The following KAZN variants were observed in gnomAD, a reference collection of about 807,000 sequenced individuals.
The protein encoded by KAZN is kazrin.
A neutral mutation model predicts 87.4 loss-of-function variants in KAZN; 40 were observed. That is an observed-to-expected ratio of 0.46 (90% CI 0.36 to 0.60). The LOEUF (loss-of-function observed/expected upper bound fraction) is 0.60. KAZN is among the 20% of genes least tolerant of loss of function. KAZN has a pLI of 0.00. For synonymous variants in KAZN, 466 were observed against 458.3 expected (o/e 1.02, Z -0.22); for missense variants, 898 against 1,073.9 (o/e 0.84, Z 2.29).
intron 1 of KAZN, among the ~76,000 whole-genome samples, chr1:13,952,085 A>G (rs1334604729): frequency 1.3e-5 from 2 of 152,074 alleles, no homozygotes; most frequent in East Asian, 3.9e-4. Flanking sequence ...TTGTTGCATA[A>G]TCTCCTTTCT....
At chr1:14,592,024 C>A (rs563234261) in intron 2 of KAZN, among the ~76,000 whole-genome samples, 2 of 152,272 alleles carry the variant, frequency 1.3e-5, no homozygotes, top group African/African-American at 4.8e-5. Flanking sequence ...TTCTCTACGG[C>A]TCTGTTCCCT....
rs571803078 is a variant in KAZN, at chr1:14,417,245, A to T, written c.250-181738A>T. Among the ~76,000 whole-genome samples, 153 of 152,284 alleles carry T rather than the reference A, an allele frequency of 1.0e-3. 1 individual carries two copies. Among genetic ancestry groups the T allele is most frequent in the African/African-American group, 3.6e-3 (148 of 41,550 alleles). On this transcript the variant is annotated intron_variant, in intron 2 of 16. Transcript: ENST00000636203. ...TCCTAGGTACTTTCTGCATGTTATTATTCCATTGATGAAATCACACTTCAC... is the reference window on the plus strand; with the variant it reads ...TCCTAGGTACTTTCTGCATGTTATTTTTCCATTGATGAAATCACACTTCAC...
chr1:14,461,999 C>T (rs1667878907), intron 2 of KAZN, among the ~76,000 whole-genome samples: 1 of 151,708 alleles, frequency 6.6e-6, no homozygotes, highest in Non-Finnish European at 1.5e-5. Flanking sequence ...AATTATAGCT[C>T]CCACAATTTC....
At chr1:14,713,153 T>C (rs1642577932) in intron 1 of KAZN, among the ~76,000 whole-genome samples, 1 of 152,184 alleles carries the variant, frequency 6.6e-6, no homozygotes, top group Non-Finnish European at 1.5e-5. Context: ...GGCTCTGCTC[T>C]GTGTGTCTCT....
chr1:14,631,206 C>G (rs1182610106), intron 1 of KAZN, among the ~76,000 whole-genome samples: 1 of 152,162 alleles, frequency 6.6e-6, no homozygotes, highest in Non-Finnish European at 1.5e-5. Flanking sequence ...GTGACCCCCT[C>G]TGCGCTGGGA....
At chr1:15,050,210 G>T (rs1047200462) in intron 4 of KAZN, among the ~76,000 whole-genome samples, 1 of 151,084 alleles carries the variant, frequency 6.6e-6, no homozygotes, top group Non-Finnish European at 1.5e-5. Flanking sequence ...GAATAGAATA[G>T]AATAGAATAG....
At chr1:13,902,269 G>A (rs1049725547) in intron 1 of KAZN, among the ~76,000 whole-genome samples, 4 of 152,208 alleles carry the variant, frequency 2.6e-5, no homozygotes, top group South Asian at 2.1e-4. Context: ...TTAAATGACC[G>A]GAGGGTTTCC....
chr1:14,995,996 G>A (rs1667824714), intron 2 of KAZN, among the ~76,000 whole-genome samples: 1 of 152,104 alleles, frequency 6.6e-6, no homozygotes, highest in Non-Finnish European at 1.5e-5. Context: ...CAGTCAGCTG[G>A]ACCCAAGGGC....
chr1:14,908,687 A>G (rs1656886678), intron 1 of KAZN, among the ~76,000 whole-genome samples: 2 of 152,058 alleles, frequency 1.3e-5, no homozygotes, highest in South Asian at 4.1e-4. Flanking sequence ...ACTCCTCTCC[A>G]GTCTGGGTGA....
intron 2 of KAZN, among the ~76,000 whole-genome samples, chr1:14,522,648 A>G (rs917542164): frequency 1.3e-5 from 2 of 152,256 alleles, no homozygotes; most frequent in East Asian, 3.8e-4. Flanking sequence ...CTCTGGCACC[A>G]GCAGTAGAAT....
chr1:14,327,978 C>G (rs1327610360), intron 2 of KAZN, among the ~76,000 whole-genome samples: 2 of 152,180 alleles, frequency 1.3e-5, no homozygotes, highest in Non-Finnish European at 2.9e-5. Flanking sequence ...AATATCTAAG[C>G]CTATGGATCA....
chr1:15,012,666 A>G (rs1391757029), intron 2 of KAZN, among the ~76,000 whole-genome samples: 3 of 152,210 alleles, frequency 2.0e-5, no homozygotes, highest in Non-Finnish European at 4.4e-5. Flanking sequence ...TCACGCCTGT[A>G]ATCCCAGCAC....
intron 1 of KAZN, among the ~76,000 whole-genome samples, chr1:14,611,268 G>A (rs911638333): frequency 3.3e-5 from 5 of 152,174 alleles, no homozygotes; most frequent in African/African-American, 7.2e-5. Context: ...AACAAGGAAC[G>A]TTCTTCTGGG....
intron 1 of KAZN, among the ~76,000 whole-genome samples, chr1:13,999,770 T>G (rs1639697306): frequency 6.6e-6 from 1 of 152,156 alleles, no homozygotes; most frequent in South Asian, 2.1e-4. Context: ...AGGAGCTGGT[T>G]TTTTGAAAAA....
intron 1 of KAZN, among the ~76,000 whole-genome samples, chr1:13,939,643 C>A (rs1033820026): frequency 3.3e-5 from 5 of 152,198 alleles, no homozygotes; most frequent in African/African-American, 1.2e-4. Flanking sequence ...ATCTTTATAG[C>A]AATGCCCCAC....
At chr1:13,992,141 A>G (rs1639311059) in intron 1 of KAZN, among the ~76,000 whole-genome samples, 1 of 151,984 alleles carries the variant, frequency 6.6e-6, no homozygotes, top group African/African-American at 2.4e-5. Flanking sequence ...GAAAAATCCC[A>G]CTTTCTACAC....
intron 2 of KAZN, among the ~76,000 whole-genome samples, chr1:14,397,563 A>G (rs1663004453): frequency 6.6e-6 from 1 of 152,194 alleles, no homozygotes; most frequent in Non-Finnish European, 1.5e-5. Context: ...GACCAATAGA[A>G]TAAGGCAGAA....
At chr1:15,095,023 G>A in intron 10 of KAZN, 90 bp downstream of exon 10, 1 of 855,014 alleles carries the variant, frequency 1.2e-6, no homozygotes, top group East Asian at 2.7e-5. Flanking sequence ...GGGCACTGTG[G>A]GCTGAACCAG....
chr1:14,172,063 A>C (rs2100265114), intron 1 of KAZN, among the ~76,000 whole-genome samples: 1 of 152,370 alleles, frequency 6.6e-6, no homozygotes, highest in South Asian at 2.1e-4. Flanking sequence ...CGTATAAATA[A>C]GCCTACTACA....
Sources: allele counts gnomAD v4.1 joint callset (sites outside exome capture counted in the v4.1 genomes callset), GRCh38; gene constraint gnomAD v4.1.1; transcripts MANE v1.5; gene names NCBI Gene and HGNC (gene_info 2026-07-23, HGNC 2026-07-21).